ZNF225: variants seen among roughly 807,000 people sequenced by gnomAD.
The protein encoded by ZNF225 is zinc finger protein 225.
In ZNF225, 6 loss-of-function variants were observed where a neutral mutation model predicts 12.0. The observed-to-expected ratio is 0.50, with a 90% CI of 0.27 to 0.98. The LOEUF is 0.98. Among genes scored for constraint, ZNF225 ranks in the 50% least tolerant of loss-of-function variants. ZNF225 has a pLI of 0.11. For synonymous variants in ZNF225, 271 were observed against 283.2 expected, an observed-to-expected ratio of 0.96 and a Z score of 0.43; for missense variants, 763 against 848.2, an observed-to-expected ratio of 0.90 and a Z score of 1.25.
At position 44,134,169 on chromosome 19, in the gene ZNF225, A is replaced by G. The variant is rs1968344407; in HGVS notation, c.*1434A>G. On this transcript the variant is annotated 3_prime_UTR_variant, in exon 5 of 5. Transcript: ENST00000262894. ...TGGAGGGAATCAGATGTAAATTTGTAAAGATCCTTTGTGCATGGAGTAACA... is the reference window on the plus strand; with the variant it reads ...TGGAGGGAATCAGATGTAAATTTGTGAAGATCCTTTGTGCATGGAGTAACA... The G allele has an allele frequency of 6.6e-6, 1 of 152,196 alleles. No homozygotes were observed. The highest frequency in any genetic ancestry group is 6.5e-5 in the Admixed American group (1 of 15,278). The allele number at this position is 152,196 out of a possible 1,614,324, so 9.4% of individuals were successfully genotyped here.
At chr19:44,124,932 G>T (rs1968119783) in intron 4 of ZNF225, among the ~76,000 whole-genome samples, 1 of 152,100 alleles carries the variant, frequency 6.6e-6, no homozygotes, top group Non-Finnish European at 1.5e-5. Flanking sequence ...TCACCTGAAG[G>T]CAGCAGATGG....
At position 44,118,242 on chromosome 19, in the gene ZNF225, C is replaced by T. The variant is rs1258513131; in HGVS notation, c.70C>T (p.Leu24=). The change falls in exon 3 of 5, where the codon CTG becomes TTG. Residue 24 remains leucine, a synonymous_variant. Transcript: ENST00000262894. ...GGTCTTCACTGAGGAAGAGCTGAGG[C>T]TGCTGGACCTTGCCCAGAGGAAACT... is the stretch of plus-strand genomic sequence containing the variant. ...AVVFTEEELR[L]LDLAQRKLYR... is the part of the protein sequence containing the mutation. The T allele has an allele frequency of 6.2e-7, 1 of 1,613,456 alleles. No homozygotes were observed. The highest frequency in any genetic ancestry group is 1.1e-5 in the South Asian group (1 of 91,074).
At chr19:44,116,642 G>C (rs1293489819) in intron 2 of ZNF225, among the ~76,000 whole-genome samples, 1 of 152,146 alleles carries the variant, frequency 6.6e-6, no homozygotes, top group East Asian at 1.9e-4. Context: ...AAAGGAATGT[G>C]AATAAAAGAC....
At chr19:44,129,216 T>G (rs1968199871) in intron 4 of ZNF225, 3 of 813,132 alleles carry the variant, frequency 3.7e-6, no homozygotes, top group East Asian at 3.4e-5. Context: ...TATTTGATAT[T>G]TAGTATTGTG....
chr19:44,130,781 G>A, intron 4 of ZNF225, 69 bp from the exon 5 acceptor site: 2 of 1,340,572 alleles, frequency 1.5e-6, no homozygotes, highest in Non-Finnish European at 2.0e-6. Flanking sequence ...TATGTCCTAA[G>A]TATGAAATCT....
chr19:44,115,747 T>C lies in ZNF225; in HGVS notation c.-68-13T>C. Reference sequence around the variant, plus strand: ...TTCATGTCTCTTTTTCTGCCTTCCCTGGTACTTTCCAGGCAGGATTCTGCT... The same window carrying C: ...TTCATGTCTCTTTTTCTGCCTTCCCCGGTACTTTCCAGGCAGGATTCTGCT... On this transcript the variant is annotated splice_polypyrimidine_tract_variant and intron_variant, in intron 1 of 4. Transcript: ENST00000262894. 7.0e-7 allele frequency: 1 copy of C among 1,434,890 alleles called. No individual in the cohort carries two copies. Among genetic ancestry groups the C allele is most frequent in the Non-Finnish European group, 9.5e-7 (1 of 1,048,644 alleles). 88.9% of individuals were successfully genotyped at this position (1,434,890 alleles called of 1,614,324 possible).
chr19:44,131,553 G>C lies in ZNF225; in HGVS notation c.939G>C (p.Glu313Asp). Residue 313 changes from glutamate (E) to aspartate (D), a missense_variant, in exon 5 of 5, where the codon GAG becomes GAC. Physicochemically the swap from Glu to Asp is conservative, Grantham distance 45 (BLOSUM62 2). Transcript: ENST00000262894. ...LNRHSMVHMR[E>D]KPFRCDTCGK... is the part of the protein sequence containing the mutation. ...GGCATTCCATGGTTCACATGCGAGA[G>C]AAACCATTCAGATGTGATACATGTG... 1 of 1,614,206 alleles carries C rather than the reference G, an allele frequency of 6.2e-7. No homozygotes were observed. Among genetic ancestry groups the C allele is most frequent in the African/African-American group, 1.3e-5 (1 of 75,070 alleles).
intron 4 of ZNF225, 78 bp downstream of exon 4, chr19:44,118,652 GT>G: frequency 7.0e-7 from 1 of 1,426,210 alleles, no homozygotes; most frequent in Non-Finnish European, 9.7e-7. Flanking sequence ...CAGCTCTGTT[GT>G]CCTGGTCTAA....
At position 44,123,008 on chromosome 19, in the gene ZNF225, G is replaced by A. The variant is rs2147562237; in HGVS notation, c.235+4434G>A. 2.0e-5 allele frequency among the ~76,000 whole-genome samples: 3 copies of A among 152,172 alleles called. No individual in the cohort carries two copies. The Middle Eastern group carries it at 0.01, about 518-fold the overall frequency. On this transcript the variant is annotated intron_variant, in intron 4 of 4. Transcript: ENST00000262894. The stretch of plus-strand genomic sequence containing the variant: ...CCTTATTTCTTTCTCTTGTCTGATT[G>A]CTCTGGCTAGGACTTCCAGTACTAT...
intron 4 of ZNF225, among the ~76,000 whole-genome samples, chr19:44,123,728 A>G (rs1457711914): frequency 1.3e-5 from 2 of 151,956 alleles, no homozygotes; most frequent in Non-Finnish European, 2.9e-5. Context: ...GGAGGGTTGC[A>G]TTTTTCCAGG....
chr19:44,116,847 G>A (rs1376698529), intron 2 of ZNF225, among the ~76,000 whole-genome samples: 1 of 152,084 alleles, frequency 6.6e-6, no homozygotes, highest in Non-Finnish European at 1.5e-5. Context: ...TGAAAGATTA[G>A]GGTTTGGTAA....
In ZNF225 at chr19:44,132,548, T is replaced by C; in HGVS notation, c.1934T>C (p.Leu645Pro). 6.2e-7 allele frequency: 1 copy of C among 1,614,078 alleles called. No individual in the cohort carries two copies. The highest frequency in any genetic ancestry group is 1.7e-5 in the Admixed American group (1 of 60,014). Residue 645 changes from leucine (L) to proline (P), a missense_variant, in exon 5 of 5, where the codon CTC becomes CCC. By Grantham distance (98) the Leu-to-Pro change is moderately conservative. Coordinates refer to ENST00000262894, the MANE Select transcript of ZNF225 (RefSeq NM_013362.4). ...WASTHLTHQRLHSREKLLQCE... is the reference protein window; with the variant it reads ...WASTHLTHQRPHSREKLLQCE... Reference sequence around the variant, plus strand: ...TCAACTCATCTAACCCATCAGAGACTCCACAGTAGAGAAAAACTACTTCAA... The same window carrying C: ...TCAACTCATCTAACCCATCAGAGACCCCACAGTAGAGAAAAACTACTTCAA...
chr19:44,115,602 G>T (rs549233384), intron 1 of ZNF225, 158 bp from the exon 2 acceptor site: 55 of 452,464 alleles, frequency 1.2e-4, no homozygotes, highest in African/African-American at 1.0e-3. Context: ...ATCCATGTAC[G>T]CATAGGAGGG....
rs949399230 is a variant in ZNF225, at chr19:44,131,671, T to C, written c.1057T>C (p.Phe353Leu). 1.2e-6 allele frequency: 2 copies of C among 1,614,162 alleles called. No homozygotes were observed. Among genetic ancestry groups the C allele is most frequent in the African/African-American group, 2.7e-5 (2 of 75,052 alleles). ...RYKCEECGKR[F>L]IYRQDLYKHQ... ...CAAATGTGAGGAATGTGGAAAACGC[T>C]TCATTTATAGGCAAGATCTTTATAA... The change falls in exon 5 of 5, where the codon TTC becomes CTC. Residue 353 changes from phenylalanine (F) to leucine (L), a missense_variant. Coordinates refer to ENST00000262894, the MANE Select transcript of ZNF225 (RefSeq NM_013362.4).
In ZNF225 at chr19:44,130,474, G is replaced by A. The variant is rs952608916; in HGVS notation, c.236-376G>A. On this transcript the variant is annotated intron_variant, in intron 4 of 4. Transcript: ENST00000262894. Reference sequence around the variant, plus strand: ...AGCACTTTGGGAGGCTGAGGAGGGCGGATCACGAGGTCAGGAGATCGAGAC... The same window carrying A: ...AGCACTTTGGGAGGCTGAGGAGGGCAGATCACGAGGTCAGGAGATCGAGAC... 79 of 162,718 alleles carry A rather than the reference G, an allele frequency of 4.9e-4. 1 individual carries two copies. Among genetic ancestry groups the A allele is most frequent in the African/African-American group, 1.8e-3 (75 of 41,546 alleles). The allele number at this position is 162,718 out of a possible 1,614,324, so 10.1% of individuals were successfully genotyped here.
chr19:44,120,834 A>T (rs1968037853), intron 4 of ZNF225, among the ~76,000 whole-genome samples: 1 of 151,770 alleles, frequency 6.6e-6, no homozygotes, highest in Non-Finnish European at 1.5e-5. Flanking sequence ...ATGCTGCACC[A>T]TATTTGTAGT....
chr19:44,115,849 A>G lies in ZNF225; in HGVS notation c.15+7A>G, dbSNP rs370661793. 9.7e-5 allele frequency: 156 copies of G among 1,612,436 alleles called. No individual in the cohort carries two copies. Among genetic ancestry groups the G allele is most frequent in the Non-Finnish European group, 1.1e-4 (135 of 1,179,128 alleles). ...AAAAATGACCACGTTGAAGGTGAGT[A>G]GAGCTTGCCTCTCTTGCTGTTAAAA... On this transcript the variant is annotated splice_region_variant and intron_variant, in intron 2 of 4. Transcript: ENST00000262894.
In ZNF225 at chr19:44,134,743, G is replaced by A. The variant is rs1262079005; in HGVS notation, c.*2008G>A. 1.3e-5 allele frequency: 2 copies of A among 152,194 alleles called. No homozygotes were observed. Among genetic ancestry groups the A allele is most frequent in the East Asian group, 3.8e-4 (2 of 5,202 alleles). 9.4% of individuals were successfully genotyped at this position (152,194 alleles called of 1,614,324 possible). A position where few individuals can be genotyped will look rare whatever the true frequency, so the allele number is the denominator to read the frequency against. ...CAACATGGTGTTAACATGTGGGACTGATTGTGTTTCTTGTTAATATTTCTG... is the reference window on the plus strand; with the variant it reads ...CAACATGGTGTTAACATGTGGGACTAATTGTGTTTCTTGTTAATATTTCTG... On this transcript the variant is annotated 3_prime_UTR_variant, in exon 5 of 5. Coordinates refer to ENST00000262894, the MANE Select transcript of ZNF225 (RefSeq NM_013362.4).
At chr19:44,127,500 ACT>A (rs1011644386) in intron 4 of ZNF225, among the ~76,000 whole-genome samples, 5 of 150,816 alleles carry the variant, frequency 3.3e-5, no homozygotes, top group Non-Finnish European at 3.0e-5. Context: ...GCAATGGGAG[ACT>A]CTGTATGCCG....
Sources: gnomAD v4.1 joint callset for allele counts (sites outside exome capture counted in the v4.1 genomes callset) on GRCh38, gnomAD v4.1.1 for gene constraint, MANE v1.5 for transcripts, NCBI Gene and HGNC (gene_info 2026-07-23, HGNC 2026-07-21) for gene names.